The following RASGRF2 variants were observed in gnomAD, a reference collection of about 807,000 sequenced individuals.
RASGRF2 encodes the protein ras-specific guanine nucleotide-releasing factor 2.
Under a neutral mutation model 151.0 loss-of-function variants are expected in RASGRF2, and 76 were observed. The ratio of observed to expected loss-of-function variants is 0.50; its 90% CI spans 0.42 to 0.61. The LOEUF (loss-of-function observed/expected upper bound fraction) is 0.61, where lower values mean the gene tolerates loss of function less well. Among genes scored for constraint, RASGRF2 ranks in the 20% least tolerant of loss-of-function variants. RASGRF2 has a pLI of 0.00. For missense variants in RASGRF2, 1,148 were observed against 1,564.6 expected (o/e 0.73, Z 4.49); for synonymous variants, 504 against 566.5 (o/e 0.89, Z 1.57).
chr5:81,215,549 G>A (rs1292578384), intron 23 of RASGRF2, among the ~76,000 whole-genome samples: 1 of 152,136 alleles, frequency 6.6e-6, no homozygotes, highest in Non-Finnish European at 1.5e-5. Flanking sequence ...AGGATTCCAG[G>A]TGTGACCCAC....
chr5:81,032,705 A>G (rs1033490740), intron 1 of RASGRF2, among the ~76,000 whole-genome samples: 1 of 151,364 alleles, frequency 6.6e-6, no homozygotes, highest in Non-Finnish European at 1.5e-5. Flanking sequence ...GAATGGGCAA[A>G]ACCTGGAAGC....
intron 17 of RASGRF2, among the ~76,000 whole-genome samples, chr5:81,127,955 A>G (rs1199039051): frequency 6.6e-6 from 1 of 151,570 alleles, no homozygotes; most frequent in African/African-American, 2.4e-5. Flanking sequence ...AAAGAAAAGA[A>G]AAGAAAAAAA....
chr5:81,073,167 G>A lies in RASGRF2; in HGVS notation c.634-32G>A, dbSNP rs537112467. The A allele has an allele frequency of 3.8e-6, 6 of 1,596,338 alleles. No individual in the cohort carries two copies. In the African/African-American group the frequency reaches 4.0e-5, roughly 11 times the overall value. ...CATAAATAAATCACCATTGTAACTAGTCAGATTCCTTTCTGATTTTTTGTT... is the reference window on the plus strand; with the variant it reads ...CATAAATAAATCACCATTGTAACTAATCAGATTCCTTTCTGATTTTTTGTT... On this transcript the variant is annotated intron_variant, in intron 4 of 26. Transcript: ENST00000265080.
intron 24 of RASGRF2, among the ~76,000 whole-genome samples, 174 bp from the exon 25 acceptor site, chr5:81,217,182 C>T (rs1448329005): frequency 1.3e-5 from 2 of 152,124 alleles, no homozygotes; most frequent in African/African-American, 4.8e-5. Context: ...TTATATTCTA[C>T]TGTGAAATGT....
chr5:81,012,243 G>C (rs13176380), intron 1 of RASGRF2, among the ~76,000 whole-genome samples: 32,674 of 151,970 alleles, frequency 0.22, 3,582 homozygotes, highest in Admixed American at 0.25. Flanking sequence ...TTATTTACTT[G>C]GGTATGATGC....
intron 13 of RASGRF2, among the ~76,000 whole-genome samples, chr5:81,110,153 G>GA (rs1023616815): frequency 1.3e-5 from 2 of 151,802 alleles, no homozygotes; most frequent in Admixed American, 6.6e-5. Flanking sequence ...AGAGTTAAAA[G>GA]AAAAAAAATT....
At chr5:80,990,599 C>T (rs921701139) in intron 1 of RASGRF2, among the ~76,000 whole-genome samples, 3 of 152,136 alleles carry the variant, frequency 2.0e-5, no homozygotes, top group Non-Finnish European at 2.9e-5. Context: ...GCAGGGCTGT[C>T]GGTCCACACC....
At chr5:81,110,631 T>C (rs1752967855) in intron 13 of RASGRF2, among the ~76,000 whole-genome samples, 1 of 147,316 alleles carries the variant, frequency 6.8e-6, no homozygotes, top group African/African-American at 2.7e-5. Flanking sequence ...CTTTATAGGG[T>C]ATGTAGACTA....
chr5:80,965,218 G>A (rs960675292), intron 1 of RASGRF2, among the ~76,000 whole-genome samples: 1 of 152,028 alleles, frequency 6.6e-6, no homozygotes, highest in African/African-American at 2.4e-5. Context: ...AGCTGCGTGC[G>A]AACTCTGAAA....
intron 17 of RASGRF2, among the ~76,000 whole-genome samples, chr5:81,148,501 A>G (rs1754056115): frequency 6.6e-6 from 1 of 152,176 alleles, no homozygotes; most frequent in African/African-American, 2.4e-5. Context: ...CATAGAAGAC[A>G]TATTTAGGGA....
intron 4 of RASGRF2, among the ~76,000 whole-genome samples, chr5:81,072,040 T>C (rs1007114375): frequency 2.7e-4 from 41 of 152,206 alleles, no homozygotes; most frequent in Non-Finnish European, 5.7e-4. Flanking sequence ...ACTTGTTAAA[T>C]AGGTTTTGAG....
intron 17 of RASGRF2, among the ~76,000 whole-genome samples, chr5:81,141,032 T>G (rs752538327): frequency 1.6e-4 from 25 of 151,774 alleles, no homozygotes; most frequent in Non-Finnish European, 3.1e-4. Flanking sequence ...TTATGTGAAA[T>G]TTTCTGTTTT....
chr5:81,217,506 T>A, intron 25 of RASGRF2, 33 bp downstream of exon 25: 1 of 1,579,564 alleles, frequency 6.3e-7, no homozygotes, highest in South Asian at 1.1e-5. Context: ...CCTGTTTCAA[T>A]GGCTTTAGAG....
chr5:81,126,857 TACAC>T (rs1753468999), intron 16 of RASGRF2, among the ~76,000 whole-genome samples: 3 of 152,252 alleles, frequency 2.0e-5, no homozygotes, highest in South Asian at 2.1e-4. Flanking sequence ...AATATTCATG[TACAC>T]GTTTGTGTGT....
chr5:81,147,301 T>C (rs1754028388), intron 17 of RASGRF2, among the ~76,000 whole-genome samples: 1 of 152,196 alleles, frequency 6.6e-6, no homozygotes, highest in African/African-American at 2.4e-5. Flanking sequence ...AAACACTTTC[T>C]TCCTCTGGAT....
chr5:81,075,096 T>C (rs153226), intron 5 of RASGRF2, among the ~76,000 whole-genome samples: 55,966 of 152,044 alleles, frequency 0.37, 10,561 homozygotes, highest in Admixed American at 0.43. Flanking sequence ...GGCTATTCAA[T>C]AAACAGAGTG....
chr5:80,988,476 G>A (rs1748547213), intron 1 of RASGRF2, among the ~76,000 whole-genome samples: 1 of 152,164 alleles, frequency 6.6e-6, no homozygotes, highest in Admixed American at 6.5e-5. Flanking sequence ...GAGTCTTGCT[G>A]AATTAAGTCA....
intron 1 of RASGRF2, among the ~76,000 whole-genome samples, chr5:81,020,959 T>G (rs1196301714): frequency 6.6e-6 from 1 of 152,144 alleles, no homozygotes; most frequent in East Asian, 1.9e-4. Context: ...TCTCATAACT[T>G]GAGTTACCAC....
chr5:81,223,189 A>G (rs1445268337), intron 26 of RASGRF2: 1 of 152,250 alleles, frequency 6.6e-6, no homozygotes, highest in Non-Finnish European at 1.5e-5. Context: ...ATCCTGGTCA[A>G]AATCCCAACA....
Sources: gnomAD v4.1 joint callset for allele counts (sites outside exome capture counted in the v4.1 genomes callset) on GRCh38, gnomAD v4.1.1 for gene constraint, MANE v1.5 for transcripts, NCBI Gene and HGNC (gene_info 2026-07-23, HGNC 2026-07-21) for gene names.